The following DIS3L2 variants were observed in gnomAD, a reference collection of about 807,000 sequenced individuals.
The protein encoded by DIS3L2 is DIS3-like exonuclease 2.
DIS3L2 carries 34 observed loss-of-function variants against 97.5 expected under a neutral mutation model. The observed-to-expected ratio is 0.35, with a 90% confidence interval of 0.27 to 0.46. The LOEUF is 0.46. Among genes scored for constraint, DIS3L2 ranks in the 20% least tolerant of loss-of-function variants. DIS3L2 has a pLI of 1.00. For synonymous variants in DIS3L2, 435 were observed against 445.2 expected, an observed-to-expected ratio of 0.98 and a Z score of 0.29; for missense variants, 1,038 against 1,146.0, an observed-to-expected ratio of 0.91 and a Z score of 1.36.
intron 9 of DIS3L2, among the ~76,000 whole-genome samples, chr2:232,209,824 A>G (rs1057259147): frequency 1.4e-4 from 21 of 152,358 alleles, no homozygotes; most frequent in Admixed American, 7.8e-4. Context: ...GTTGAAATAT[A>G]TAATTATTCT....
intron 6 of DIS3L2, among the ~76,000 whole-genome samples, chr2:232,100,010 C>G (rs1359655644): frequency 6.6e-6 from 1 of 151,722 alleles, no homozygotes; most frequent in Non-Finnish European, 1.5e-5. Context: ...TTTCAAAGAA[C>G]AATTTTGGTT....
At chr2:231,977,112 A>AT (rs1286559787) in intron 1 of DIS3L2, among the ~76,000 whole-genome samples, 2 of 152,182 alleles carry the variant, frequency 1.3e-5, no homozygotes, top group Non-Finnish European at 2.9e-5. Context: ...CATGTAACTT[A>AT]TTAAATACTG....
At chr2:232,120,612 C>T (rs563761618) in intron 6 of DIS3L2, among the ~76,000 whole-genome samples, 20 of 152,316 alleles carry the variant, frequency 1.3e-4, no homozygotes, top group African/African-American at 4.3e-4. Context: ...GGATGTCATT[C>T]GCTTTCAGGC....
At chr2:232,016,242 G>C (rs893064177) in intron 3 of DIS3L2, among the ~76,000 whole-genome samples, 6 of 152,168 alleles carry the variant, frequency 3.9e-5, no homozygotes, top group African/African-American at 1.4e-4. Flanking sequence ...TCAGTGGTTT[G>C]GCTGAACAAA....
chr2:232,336,617 C>T lies in DIS3L2; in HGVS notation c.2645C>T (p.Ser882Leu). ...GAGTCTGACGGTGAGCCCGAGGACT[C>T]AAGCACCAGCTGAGCTCCACCAGCC... ...EEESDGEPED[S>L]STS Residue 882 changes from serine to leucine, a missense_variant, in exon 21 of 21, where the codon TCA becomes TTA. Ser to Leu is a moderately radical substitution (Grantham distance 145, BLOSUM62 -2). Around this residue, in one of 3 missense-constraint regions of DIS3L2, gnomAD observed 221 missense variants for 246.9 expected, o/e 0.90. Transcript: ENST00000325385. The T allele has an allele frequency of 1.2e-6, 2 of 1,603,904 alleles. No individual in the cohort carries two copies. Among genetic ancestry groups the T allele is most frequent in the Non-Finnish European group, 1.7e-6 (2 of 1,178,826 alleles).
intron 14 of DIS3L2, among the ~76,000 whole-genome samples, chr2:232,319,166 G>C (rs891686748): frequency 1.3e-5 from 2 of 152,146 alleles, no homozygotes; most frequent in African/African-American, 4.8e-5. Flanking sequence ...AGACACTGTG[G>C]TGGTTGAGAG....
At chr2:232,148,706 TC>T (rs1690296788) in intron 8 of DIS3L2, among the ~76,000 whole-genome samples, 1 of 146,154 alleles carries the variant, frequency 6.8e-6, no homozygotes. Flanking sequence ...TTTACAAAGC[TC>T]CAAAAAAGAT....
At chr2:232,279,903 T>A (rs556824389) in intron 13 of DIS3L2, among the ~76,000 whole-genome samples, 25 of 152,326 alleles carry the variant, frequency 1.6e-4, no homozygotes, top group African/African-American at 5.3e-4. Context: ...TTTCTCCTAG[T>A]CTTTGGCTTG....
intron 5 of DIS3L2, among the ~76,000 whole-genome samples, chr2:232,077,842 A>C (rs1184162117): frequency 6.6e-6 from 1 of 152,162 alleles, no homozygotes; most frequent in Non-Finnish European, 1.5e-5. Context: ...TTTCACGCTG[A>C]GCCCAGAGTT....
In DIS3L2 at chr2:232,174,585, C is replaced by CA. The variant is rs60698530; in HGVS notation, c.1124+10977dup. Among the ~76,000 whole-genome samples the CA allele has an allele frequency of 6.4e-3, 536 of 83,744 alleles. 2 individuals are homozygous for CA. The highest frequency in any genetic ancestry group is 0.018 in the African/African-American group (399 of 21,740). 54.9% of individuals were successfully genotyped at this position (83,744 alleles called of 152,430 possible). On this transcript the variant is annotated intron_variant, in intron 9 of 20. Coordinates refer to ENST00000325385, the MANE Select transcript of DIS3L2 (RefSeq NM_152383.5). ...AGGGTAACAGAGTGAGACTCCACCT[C>CA]AAAAAAAAAAAAAAAAAAAAAAAAT...
chr2:231,979,362 CCCTCCCATCTCAG>C (rs1222298833), intron 1 of DIS3L2, among the ~76,000 whole-genome samples: 1 of 151,670 alleles, frequency 6.6e-6, no homozygotes, highest in Non-Finnish European at 1.5e-5. Context: ...TCAGGTGATC[CCCTCCCATCTCAG>C]CCTCCCGAGT....
intron 6 of DIS3L2, among the ~76,000 whole-genome samples, chr2:232,091,099 T>C (rs1431482642): frequency 6.6e-6 from 1 of 152,208 alleles, no homozygotes; most frequent in Non-Finnish European, 1.5e-5. Flanking sequence ...ATTGAACTTT[T>C]ACCACTTTAC....
chr2:232,119,006 C>T (rs994381119), intron 6 of DIS3L2, among the ~76,000 whole-genome samples: 12 of 152,202 alleles, frequency 7.9e-5, no homozygotes, highest in Non-Finnish European at 1.8e-4. Context: ...TTTCAGGTCA[C>T]ACCAAATGAT....
At chr2:231,968,387 G>A (rs547077972) in intron 1 of DIS3L2, among the ~76,000 whole-genome samples, 21 of 152,316 alleles carry the variant, frequency 1.4e-4, no homozygotes, top group African/African-American at 4.1e-4. Context: ...GAGCCACTGC[G>A]CTTGGCCTAA....
intron 1 of DIS3L2, among the ~76,000 whole-genome samples, chr2:231,985,843 G>T (rs1693396351): frequency 6.6e-6 from 1 of 152,180 alleles, no homozygotes; most frequent in African/African-American, 2.4e-5. Context: ...AGCTGGTAAA[G>T]TATTGTTTCT....
intron 1 of DIS3L2, among the ~76,000 whole-genome samples, chr2:232,006,607 TAAA>T (rs527971374): frequency 2.6e-5 from 4 of 152,228 alleles, no homozygotes; most frequent in East Asian, 1.9e-4. Context: ...GTTGGAAAGT[TAAA>T]GAAGAGCTTT....
Position 232,268,208 on chromosome 2 carries a change from T to A in DIS3L2, c.1659+4768T>A, listed in dbSNP as rs1482019626. ...TGGTGGAGAAAACCTGATGTTACCA[T>A]CTTCCCAGGCAAATTACTCTCAACT... On this transcript the variant is annotated intron_variant, in intron 13 of 20. Coordinates refer to ENST00000325385, the MANE Select transcript of DIS3L2 (RefSeq NM_152383.5). The surrounding 1 kb of genome is among the most constrained non-coding windows in gnomAD (Gnocchi z 4.1). Among the ~76,000 whole-genome samples, 1 of 152,228 alleles carries A rather than the reference T, an allele frequency of 6.6e-6. No homozygotes were observed. The highest frequency in any genetic ancestry group is 2.4e-5 in the African/African-American group (1 of 41,458).
At chr2:232,321,557 T>G (rs1695432468) in intron 14 of DIS3L2, among the ~76,000 whole-genome samples, 1 of 151,684 alleles carries the variant, frequency 6.6e-6, no homozygotes, top group Admixed American at 6.6e-5. Flanking sequence ...TGCGTCTCTG[T>G]GGGGGGTGGG....
intron 1 of DIS3L2, among the ~76,000 whole-genome samples, chr2:231,971,934 C>A (rs1381680719): frequency 2.0e-5 from 3 of 150,406 alleles, no homozygotes; most frequent in East Asian, 2.1e-4. Flanking sequence ...CGCCTGTAAT[C>A]CCAGCACTTT....
Sources: allele counts gnomAD v4.1 joint callset (sites outside exome capture counted in the v4.1 genomes callset), GRCh38; gene constraint gnomAD v4.1.1; regional missense constraint gnomAD v4.1.1; non-coding constraint Gnocchi (gnomAD v3.1); transcripts MANE v1.5; gene names NCBI Gene and HGNC (gene_info 2026-07-23, HGNC 2026-07-21).